Variants in USP19 observed in about 807,000 individuals in gnomAD.
The protein encoded by USP19 is ubiquitin specific peptidase 19.
USP19 carries 40 observed loss-of-function variants against 144.8 expected under a neutral mutation model. The ratio of observed to expected loss-of-function variants is 0.28; its 90% CI spans 0.21 to 0.36. USP19 has a LOEUF of 0.36. Among genes scored for constraint, USP19 ranks in the 10% least tolerant of loss-of-function variants. The probability of loss-of-function intolerance (pLI) is 1.00; values close to 1 mark genes in which losing one functional copy is unlikely to be tolerated. For synonymous variants in USP19, 701 were observed against 709.3 expected, an observed-to-expected ratio of 0.99 and a Z score of 0.19; for missense variants, 1,518 against 1,822.5, an observed-to-expected ratio of 0.83 and a Z score of 3.04.
chr3:49,111,547 A>G lies in USP19; in HGVS notation c.3170T>C (p.Ile1057Thr), dbSNP rs781119756. Residue 1057 changes from isoleucine (I) to threonine (T), a missense_variant, in exon 21 of 27, where the codon ATT becomes ACT. This residue lies in a region of USP19 where 413 missense variants were observed against 515.8 expected (regional missense o/e 0.80). Coordinates refer to ENST00000417901, the MANE Select transcript of USP19 (RefSeq NM_001199161.2). This position sits in a 1 kb window ranked among gnomAD's most constrained non-coding sequence, Gnocchi z 5.9. Reference sequence around the variant, plus strand: ...GCCAGCTGGCAAGGAGCCAACCTCAATGGGCCCACTGGCCAGCATCTCAGA... The same window carrying G: ...GCCAGCTGGCAAGGAGCCAACCTCAGTGGGCCCACTGGCCAGCATCTCAGA... ...ISSEMLASGP[I>T]EVGSLPAGER... The G allele has an allele frequency of 3.3e-5, 54 of 1,612,526 alleles. No individual in the cohort carries two copies. Among genetic ancestry groups the G allele is most frequent in the East Asian group, 6.7e-5 (3 of 44,888 alleles).
chr3:49,108,461 G>A lies in USP19; in HGVS notation c.4106C>T (p.Pro1369Leu), dbSNP rs1461447872. 3 of 1,346,606 alleles carry A rather than the reference G, an allele frequency of 2.2e-6. No individual in the cohort carries two copies. Among genetic ancestry groups the A allele is most frequent in the South Asian group, 1.8e-5 (1 of 56,388 alleles). The allele number at this position is 1,346,606 out of a possible 1,614,324, so 83.4% of individuals were successfully genotyped here. Residue 1369 changes from proline (P) to leucine (L), a missense_variant, in exon 27 of 27, where the codon CCT becomes CTT. Pro to Leu is a moderately conservative substitution (Grantham distance 98). Transcript: ENST00000417901. This position sits in a 1 kb window ranked among gnomAD's most constrained non-coding sequence, Gnocchi z 4.8. ...TRTAPERFAP[P>L]VDRPAPTYSN... ...GTAGGTGGGGGCTGGCCGATCCACA[G>A]GGGGGGCGAAGCGTTCAGGGGCTGT...
In USP19 at chr3:49,112,162, G is replaced by T. The variant is rs2043266456; in HGVS notation, c.2766-114C>A. The T allele has an allele frequency of 1.3e-6, 2 of 1,543,544 alleles. No homozygotes were observed. The highest frequency in any genetic ancestry group is 2.7e-5 in the African/African-American group (2 of 73,430). On this transcript the variant is annotated intron_variant, in intron 19 of 26. Transcript: ENST00000417901. This position sits in a 1 kb window ranked among gnomAD's most constrained non-coding sequence, Gnocchi z 4.9. ...GTACGCCAGCCCTGCCTCCCCCAGA[G>T]CCTGGTAAAGTAGGGTGGCAAGTAG...
chr3:49,108,780 A>G lies in USP19; in HGVS notation c.4039-252T>C. ...AGAGCAGCAGGATGAATGGACAGAC[A>G]GCCAGATGGATACACACCCTAGGAT... On this transcript the variant is annotated intron_variant, in intron 26 of 26. Coordinates refer to ENST00000417901, the MANE Select transcript of USP19 (RefSeq NM_001199161.2). The surrounding 1 kb of genome is among the most constrained non-coding windows in gnomAD (Gnocchi z 4.8). 3.5e-6 allele frequency: 5 copies of G among 1,412,146 alleles called. No homozygotes were observed. Among genetic ancestry groups the G allele is most frequent in the Non-Finnish European group, 4.6e-6 (5 of 1,086,988 alleles). The allele number at this position is 1,412,146 out of a possible 1,614,324, so 87.5% of individuals were successfully genotyped here.
At position 49,116,224 on chromosome 3, in the gene USP19, G is replaced by T; in HGVS notation, c.1355+56C>A. The T allele has an allele frequency of 6.2e-7, 1 of 1,613,616 alleles. No homozygotes were observed. ...ATGAGCATCAGGATAGATGAGCCAG[G>T]GAGATGGAGCCCACGGGGTAGGACA... On this transcript the variant is annotated intron_variant, in intron 9 of 26. Transcript: ENST00000417901. The surrounding 1 kb of genome is among the most constrained non-coding windows in gnomAD (Gnocchi z 5.0).
rs773767574 is a variant in USP19, at chr3:49,117,014, C to T, written c.909+45G>A. On this transcript the variant is annotated intron_variant, in intron 6 of 26. Transcript: ENST00000417901. This position sits in a 1 kb window ranked among gnomAD's most constrained non-coding sequence, Gnocchi z 4.4. Reference sequence around the variant, plus strand: ...GGTGGCTCCCACTCCAGTGCACACCCTTTCCCCCCATCTCCTAACACCCAA... The same window carrying T: ...GGTGGCTCCCACTCCAGTGCACACCTTTTCCCCCCATCTCCTAACACCCAA... 6.5e-7 allele frequency: 1 copy of T among 1,546,140 alleles called. No homozygotes were observed. Among genetic ancestry groups the T allele is most frequent in the Admixed American group, 1.9e-5 (1 of 51,612 alleles).
chr3:49,110,129 G>A lies in USP19; in HGVS notation c.4038+55C>T. 6.9e-7 allele frequency: 1 copy of A among 1,452,518 alleles called. No homozygotes were observed. The highest frequency in any genetic ancestry group is 2.4e-5 in the East Asian group (1 of 41,458). The allele number at this position is 1,452,518 out of a possible 1,614,324, so 90.0% of individuals were successfully genotyped here. A position where few individuals can be genotyped will look rare whatever the true frequency, so the allele number is the denominator to read the frequency against. On this transcript the variant is annotated intron_variant, in intron 26 of 26. Transcript: ENST00000417901. This position sits in a 1 kb window ranked among gnomAD's most constrained non-coding sequence, Gnocchi z 6.1. ...AGAGGAAGCTATATCCCCCAACCCG[G>A]CCCCAGTCTGTGAACTGTCCCCCAG...
Position 49,108,997 on chromosome 3 carries a change from G to A in USP19, c.4039-469C>T, listed in dbSNP as rs376082905. 4.2e-5 allele frequency: 68 copies of A among 1,613,438 alleles called. No individual in the cohort carries two copies. Among genetic ancestry groups the A allele is most frequent in the South Asian group, 9.9e-5 (9 of 91,066 alleles). ...TCTGGGATACCAGAGGATAGAACAC[G>A]TTGAGCACGAGGGCCACCAAAGCCG... On this transcript the variant is annotated intron_variant, in intron 26 of 26. Transcript: ENST00000417901. The surrounding 1 kb of genome is among the most constrained non-coding windows in gnomAD (Gnocchi z 4.8).
chr3:49,117,763 C>A lies in USP19; in HGVS notation c.366G>T (p.Gln122His). Residue 122 changes from glutamine to histidine, a missense_variant, in exon 4 of 27, where the codon CAG becomes CAT. This residue lies in a region of USP19 where 707 missense variants were observed against 728.9 expected (regional missense o/e 0.97). Transcript: ENST00000417901. The surrounding 1 kb of genome is among the most constrained non-coding windows in gnomAD (Gnocchi z 4.4). ...GCTTGACAATCACCTCTTCTGCACTCTGCCTCCAATCGAGCAACAACTCTG... is the reference window on the plus strand; with the variant it reads ...GCTTGACAATCACCTCTTCTGCACTATGCCTCCAATCGAGCAACAACTCTG... ...PTPELLLDWR[Q>H]SAEEVIVKLR... The A allele has an allele frequency of 6.2e-7, 1 of 1,614,226 alleles. No homozygotes were observed. Among genetic ancestry groups the A allele is most frequent in the Non-Finnish European group, 8.5e-7 (1 of 1,180,044 alleles).
chr3:49,116,839 A>G lies in USP19; in HGVS notation c.1014T>C (p.Pro338=). The G allele has an allele frequency of 6.2e-7, 1 of 1,613,848 alleles. No individual in the cohort carries two copies. ...LAPLAGEKAV[P]PGNDPVSPAM... ...CTGGAGAGACTGGGTCATTCCCGGG[A>G]GGCACTGCTTTCTCTCCTGCCAAAG... is the stretch of plus-strand genomic sequence containing the variant. The change falls in exon 7 of 27, where the codon CCT becomes CCC. Residue 338 remains proline, a synonymous_variant. Transcript: ENST00000417901. The surrounding 1 kb of genome is among the most constrained non-coding windows in gnomAD (Gnocchi z 5.0).
chr3:49,119,320 C>T, intron 1 of USP19, 39 bp from the exon 2 acceptor site: 1 of 792,890 alleles, frequency 1.3e-6, no homozygotes, highest in South Asian at 1.9e-5. Context: ...CAAGACCCAA[C>T]AACTTGCTCT....
chr3:49,108,211 G>GC lies in USP19; in HGVS notation c.*200dup, dbSNP rs1575409772. 1 of 241,254 alleles carries GC rather than the reference G, an allele frequency of 4.1e-6. No individual in the cohort carries two copies. Among genetic ancestry groups the GC allele is most frequent in the East Asian group, 8.0e-5 (1 of 12,482 alleles). 14.9% of individuals were successfully genotyped at this position (241,254 alleles called of 1,614,324 possible). On this transcript the variant is annotated 3_prime_UTR_variant, in exon 27 of 27. Transcript: ENST00000417901. The surrounding 1 kb of genome is among the most constrained non-coding windows in gnomAD (Gnocchi z 4.8). ...ATCAAATCACGCAGCACTGGAGGCG[G>GC]CTGGAGAAGCCAAAGCCCACTGGTC... is the stretch of plus-strand genomic sequence containing the variant.
chr3:49,116,732 A>C lies in USP19; in HGVS notation c.1121T>G (p.Val374Gly). Residue 374 changes from valine (V) to glycine (G), a missense_variant, in exon 7 of 27, where the codon GTG becomes GGG. Coordinates refer to ENST00000417901, the MANE Select transcript of USP19 (RefSeq NM_001199161.2). This position sits in a 1 kb window ranked among gnomAD's most constrained non-coding sequence, Gnocchi z 5.0. ...CTGCCCACCCCCACCTTTACCATCC[A>C]CCAAGGTTGCAGCATCTGCTGCCAC... ...MAVAADAATLVDEPESMVNLA... is the reference protein window; with the variant it reads ...MAVAADAATLGDEPESMVNLA... 1 of 1,608,474 alleles carries C rather than the reference A, an allele frequency of 6.2e-7. No individual in the cohort carries two copies. Among genetic ancestry groups the C allele is most frequent in the Non-Finnish European group, 8.5e-7 (1 of 1,177,094 alleles).
Position 49,111,191 on chromosome 3 carries a change from C to A in USP19, c.3329-25G>T. 1 of 1,614,048 alleles carries A rather than the reference C, an allele frequency of 6.2e-7. No individual in the cohort carries two copies. Among genetic ancestry groups the A allele is most frequent in the Non-Finnish European group, 8.5e-7 (1 of 1,180,020 alleles). ...CCTGGAGATTCGCAGGGAGAGAGGT[C>A]ATGCAGCTGTGGAGAACAGCCAGCT... On this transcript the variant is annotated intron_variant, in intron 22 of 26. Coordinates refer to ENST00000417901, the MANE Select transcript of USP19 (RefSeq NM_001199161.2). This position sits in a 1 kb window ranked among gnomAD's most constrained non-coding sequence, Gnocchi z 5.9.
rs771850806 is a variant in USP19 at position 49,111,825 on chromosome 3, G to C, written c.2904-12C>G. On this transcript the variant is annotated splice_polypyrimidine_tract_variant and intron_variant, in intron 20 of 26. Coordinates refer to ENST00000417901, the MANE Select transcript of USP19 (RefSeq NM_001199161.2). This position sits in a 1 kb window ranked among gnomAD's most constrained non-coding sequence, Gnocchi z 5.9. The stretch of plus-strand genomic sequence containing the variant: ...CACTCACAGAGTACCTGGCAACAGA[G>C]AACAACGCAAGTAAGACTCCTGACC... 5 of 1,577,300 alleles carry C rather than the reference G, an allele frequency of 3.2e-6. No individual in the cohort carries two copies. The African/African-American group carries it at 4.0e-5, about 13-fold the overall frequency.
rs1262763533 is a variant in USP19 at position 49,115,145 on chromosome 3, T to C, written c.2023-28A>G. Reference sequence around the variant, plus strand: ...GGATACAGGAGCCAAGGTGTGAACATGAAGCCCTAGCACCCACTGCACACC... The same window carrying C: ...GGATACAGGAGCCAAGGTGTGAACACGAAGCCCTAGCACCCACTGCACACC... On this transcript the variant is annotated intron_variant, in intron 13 of 26. Coordinates refer to ENST00000417901, the MANE Select transcript of USP19 (RefSeq NM_001199161.2). This position sits in a 1 kb window ranked among gnomAD's most constrained non-coding sequence, Gnocchi z 6.6. The C allele has an allele frequency of 6.2e-7, 1 of 1,613,014 alleles. No homozygotes were observed. The highest frequency in any genetic ancestry group is 8.5e-7 in the Non-Finnish European group (1 of 1,179,322).
intron 1 of USP19, among the ~76,000 whole-genome samples, chr3:49,119,983 G>A (rs1230928593): frequency 1.3e-5 from 2 of 152,194 alleles, no homozygotes; most frequent in Non-Finnish European, 2.9e-5. Context: ...AAGGCAGGAT[G>A]GGCATCCAGT....
In USP19 at chr3:49,108,408, C is replaced by T. The variant is rs1374263936; in HGVS notation, c.*4G>A. 3 of 1,358,430 alleles carry T rather than the reference C, an allele frequency of 2.2e-6. No individual in the cohort carries two copies. Among genetic ancestry groups the T allele is most frequent in the East Asian group, 3.1e-5 (1 of 31,876 alleles). 84.1% of individuals were successfully genotyped at this position (1,358,430 alleles called of 1,614,324 possible). On this transcript the variant is annotated 3_prime_UTR_variant, in exon 27 of 27. Transcript: ENST00000417901. The surrounding 1 kb of genome is among the most constrained non-coding windows in gnomAD (Gnocchi z 4.8). ...CCCAGTCCCCCCCATCAGCCAGGGACCTGCTAATCCACCTCCTCCATGTTG... is the reference window on the plus strand; with the variant it reads ...CCCAGTCCCCCCCATCAGCCAGGGATCTGCTAATCCACCTCCTCCATGTTG...
Position 49,112,039 on chromosome 3 carries a change from C to T in USP19, c.2775G>A (p.Gln925=), listed in dbSNP as rs2043236015. 2 of 1,613,878 alleles carry T rather than the reference C, an allele frequency of 1.2e-6. No homozygotes were observed. Among genetic ancestry groups the T allele is most frequent in the African/African-American group, 1.3e-5 (1 of 74,916 alleles). ...CCTTGTGGTCAGGCCAGTGGGTTTT[C>T]TGGCAGAGCCTGACGGGAAGAGGAA... ...YRVGYCNQLC[Q]KTHWPDHKGL... The change falls in exon 20 of 27, where the codon CAG becomes CAA. Residue 925 remains glutamine (Q), a synonymous_variant. Transcript: ENST00000417901. The surrounding 1 kb of genome is among the most constrained non-coding windows in gnomAD (Gnocchi z 4.9).
chr3:49,115,213 G>A lies in USP19; in HGVS notation c.2022+15C>T, dbSNP rs771303401. 4 of 1,613,718 alleles carry A rather than the reference G, an allele frequency of 2.5e-6. No homozygotes were observed. In the South Asian group the frequency reaches 4.4e-5, roughly 18 times the overall value. On this transcript the variant is annotated intron_variant, in intron 13 of 26. Coordinates refer to ENST00000417901, the MANE Select transcript of USP19 (RefSeq NM_001199161.2). The surrounding 1 kb of genome is among the most constrained non-coding windows in gnomAD (Gnocchi z 6.6). The stretch of plus-strand genomic sequence containing the variant: ...CCGCCCCCTCCAGCCAAGGGTGACA[G>A]TGGTCACAGATCACCTTCAACTTGG...
Sources: gnomAD v4.1 joint callset for allele counts (sites outside exome capture counted in the v4.1 genomes callset) on GRCh38, gnomAD v4.1.1 for gene constraint, gnomAD v4.1.1 regional missense constraint, Gnocchi (gnomAD v3.1) non-coding constraint, MANE v1.5 for transcripts, NCBI Gene and HGNC (gene_info 2026-07-23, HGNC 2026-07-21) for gene names.